The following DNAH17 variants were observed in gnomAD, a reference collection of about 807,000 sequenced individuals.
The protein encoded by DNAH17 is axonemal beta dynein heavy chain 17.
A neutral mutation model predicts 485.6 loss-of-function variants in DNAH17; 376 were observed. The observed-to-expected ratio is 0.77, with a 90% confidence interval of 0.71 to 0.84. The LOEUF is 0.84. Ranked by LOEUF, DNAH17 falls within the 40% of genes least tolerant of loss-of-function variation. The pLI is 0.00. For synonymous variants in DNAH17, 3,031 were observed against 2,405.9 expected (o/e 1.26, Z -7.60); for missense variants, 6,370 against 5,839.3 (o/e 1.09, Z -2.96).
chr17:78,501,222 G>A lies in DNAH17; in HGVS notation c.5445C>T (p.Gly1815=). 6.2e-7 allele frequency: 1 copy of A among 1,601,628 alleles called. No individual in the cohort carries two copies. Among genetic ancestry groups the A allele is most frequent in the East Asian group, 2.3e-5 (1 of 44,434 alleles). ...AQIQYSYEYL[G]NTPRLVITPL... ...GGGTGATGACCAGCCGCGGCGTGTT[G>A]CCCAGATACTCATAGGAATACTGGA... Residue 1815 remains glycine, a synonymous_variant, in exon 35 of 81, where the codon GGC becomes GGT. Transcript: ENST00000389840.
At chr17:78,510,752 C>CCCCG (rs761059825) in intron 26 of DNAH17, 32 of 302,426 alleles carry the variant, frequency 1.1e-4, no homozygotes, top group African/African-American at 2.2e-4. Flanking sequence ...GGAATTGCGG[C>CCCCG]CCCCCCGCAA....
Position 78,564,205 on chromosome 17 carries a change from C to A in DNAH17, c.1570-2225G>T, listed in dbSNP as rs376120071. 3.0e-4 allele frequency among the ~76,000 whole-genome samples: 45 copies of A among 152,270 alleles called. 1 individual carries two copies. In the Middle Eastern group the frequency reaches 0.01, roughly 35 times the overall value. ...CCCAGCTCCCTCCCCACTGCCGGATCCCCTAGTGAACCCTGGGGGAGGTTC... is the reference window on the plus strand; with the variant it reads ...CCCAGCTCCCTCCCCACTGCCGGATACCCTAGTGAACCCTGGGGGAGGTTC... On this transcript the variant is annotated intron_variant, in intron 11 of 80. Transcript: ENST00000389840.
intron 62 of DNAH17, 37 bp from the exon 63 acceptor site, chr17:78,455,873 C>T (rs2087773776): frequency 6.6e-7 from 1 of 1,523,414 alleles, no homozygotes; most frequent in Non-Finnish European, 8.8e-7. Flanking sequence ...CATATTTGCA[C>T]AAGTGAGGGG....
At position 78,455,815 on chromosome 17, in the gene DNAH17, C is replaced by T. The variant is rs371149297; in HGVS notation, c.9999G>A (p.Ser3333=). The T allele has an allele frequency of 1.3e-5, 21 of 1,604,654 alleles. No individual in the cohort carries two copies. Among genetic ancestry groups the T allele is most frequent in the African/African-American group, 1.1e-4 (8 of 74,354 alleles). The change falls in exon 63 of 81, where the codon TCG becomes TCA. Residue 3333 remains serine (S), a synonymous_variant. Transcript: ENST00000389840. ...CAGACTCAGCCCAGCGGATGTTTTC[C>T]GATGCTAATCCCCCGACCAGCCTAA... ...LANRLVGGLA[S]ENIRWAESVE...
chr17:78,566,963 C>A, intron 10 of DNAH17, 36 bp downstream of exon 10: 1 of 1,583,494 alleles, frequency 6.3e-7, no homozygotes, highest in Non-Finnish European at 8.6e-7. Flanking sequence ...CTGTTCTCAC[C>A]GAGTCCAGTT....
At chr17:78,448,931 T>A (rs974484873) in intron 69 of DNAH17, among the ~76,000 whole-genome samples, 8 of 152,232 alleles carry the variant, frequency 5.3e-5, no homozygotes, top group Non-Finnish European at 8.8e-5. Flanking sequence ...GCCTTGGGTA[T>A]TCTGTTATAG....
chr17:78,428,986 G>A (rs970794112), intron 76 of DNAH17, 135 bp downstream of exon 76: 28 of 854,614 alleles, frequency 3.3e-5, no homozygotes, highest in African/African-American at 1.4e-4. Flanking sequence ...CAAGTGAGAC[G>A]CATTTCTCAT....
chr17:78,453,297 T>G, intron 65 of DNAH17, 46 bp downstream of exon 65: 1 of 1,603,890 alleles, frequency 6.2e-7, no homozygotes, highest in South Asian at 1.1e-5. Flanking sequence ...GCCTCGGGCC[T>G]GAAGATGTTT....
chr17:78,532,057 T>C (rs2091255172), intron 20 of DNAH17, among the ~76,000 whole-genome samples: 1 of 152,212 alleles, frequency 6.6e-6, no homozygotes, highest in Admixed American at 6.5e-5. Flanking sequence ...TTTTACCTTC[T>C]GGGCTGCTAC....
intron 37 of DNAH17, 112 bp downstream of exon 37, chr17:78,498,896 G>A: frequency 1.3e-6 from 1 of 798,852 alleles, no homozygotes. Context: ...ACCCTTCGGT[G>A]CTTGGAACGT....
chr17:78,566,800 C>T (rs2092274482), intron 10 of DNAH17, 70 bp from the exon 11 acceptor site: 8 of 1,371,366 alleles, frequency 5.8e-6, no homozygotes, highest in Admixed American at 4.0e-5. Flanking sequence ...CTCTCCAGCC[C>T]CTGCCCTGCT....
At chr17:78,476,791 T>G in intron 51 of DNAH17, 58 bp from the exon 52 acceptor site, 1 of 1,566,332 alleles carries the variant, frequency 6.4e-7, no homozygotes, top group South Asian at 1.2e-5. Context: ...AGCCCAGAGC[T>G]GGACACAGAT....
At chr17:78,510,714 A>G (rs967995774) in intron 26 of DNAH17, 19 of 617,548 alleles carry the variant, frequency 3.1e-5, no homozygotes, top group African/African-American at 1.9e-4. Context: ...GTAAAACCGC[A>G]TAAGAGCAGA....
chr17:78,563,606 C>T (rs889965936), intron 11 of DNAH17, among the ~76,000 whole-genome samples: 2 of 152,162 alleles, frequency 1.3e-5, no homozygotes, highest in South Asian at 4.1e-4. Flanking sequence ...CTCTCTCCTC[C>T]TTTTCATGTT....
Position 78,530,176 on chromosome 17 carries a change from A to T in DNAH17, c.3284+167T>A, listed in dbSNP as rs189860887. On this transcript the variant is annotated intron_variant, in intron 21 of 80. Transcript: ENST00000389840. ...GATAATGTTTGCTCGCAGCCCGGTG[A>T]CACCTTTCTGCTCACGCTTGGTGGG... Among the ~76,000 whole-genome samples the T allele has an allele frequency of 4.7e-3, 722 of 152,322 alleles. 15 individuals carry two copies. Among genetic ancestry groups the T allele is most frequent in the Non-Finnish European group, 6.0e-3 (408 of 68,030 alleles).
chr17:78,439,010 C>T, intron 73 of DNAH17, 80 bp downstream of exon 73: 1 of 1,531,886 alleles, frequency 6.5e-7, no homozygotes, highest in South Asian at 1.2e-5. Flanking sequence ...CATCCTGCTT[C>T]CTTCCGGGCC....
intron 16 of DNAH17, among the ~76,000 whole-genome samples, chr17:78,548,446 C>T (rs2091826370): frequency 6.6e-6 from 1 of 151,970 alleles, no homozygotes; most frequent in Non-Finnish European, 1.5e-5. Context: ...CCTCGTGATC[C>T]ACCCGCCTCG....
chr17:78,484,669 C>T, intron 48 of DNAH17, 199 bp downstream of exon 48: 2 of 393,092 alleles, frequency 5.1e-6, no homozygotes, highest in Non-Finnish European at 9.1e-6. Flanking sequence ...CTGGCCCTAC[C>T]TCAATGCCTT....
intron 1 of DNAH17, 41 bp from the exon 2 acceptor site, chr17:78,575,123 G>A: frequency 1.5e-6 from 2 of 1,349,852 alleles, no homozygotes; most frequent in Non-Finnish European, 2.0e-6. Context: ...TGTCTCCCGG[G>A]CTCCCCAATT....
Sources: gnomAD v4.1 joint callset for allele counts (sites outside exome capture counted in the v4.1 genomes callset) on GRCh38, gnomAD v4.1.1 for gene constraint, MANE v1.5 for transcripts, NCBI Gene and HGNC (gene_info 2026-07-23, HGNC 2026-07-21) for gene names.